The following FAM184B variants were observed in gnomAD, a reference collection of about 807,000 sequenced individuals.
FAM184B encodes the protein protein FAM184B.
A neutral mutation model predicts 135.9 loss-of-function variants in FAM184B; 111 were observed. That is an observed-to-expected ratio of 0.82 (90% CI 0.70 to 0.96). FAM184B has a LOEUF of 0.96. Ranked by LOEUF, FAM184B falls within the 40% of genes least tolerant of loss-of-function variation. The probability of loss-of-function intolerance (pLI) is 0.00; values close to 1 mark genes in which losing one functional copy is unlikely to be tolerated. For missense variants in FAM184B, 1,375 were observed against 1,323.9 expected (o/e 1.04, Z -0.60); for synonymous variants, 552 against 524.8 (o/e 1.05, Z -0.71).
intron 7 of FAM184B, among the ~76,000 whole-genome samples, 177 bp from the exon 8 acceptor site, chr4:17,664,836 A>G (rs561483240): frequency 6.6e-6 from 1 of 152,310 alleles, no homozygotes; most frequent in African/African-American, 2.4e-5. Context: ...TGACGTGACT[A>G]GAACAGTGCC....
chr4:17,756,391 G>A (rs1332119455), intron 1 of FAM184B, among the ~76,000 whole-genome samples: 2 of 152,138 alleles, frequency 1.3e-5, no homozygotes, highest in African/African-American at 4.8e-5. Context: ...TGAAACATAT[G>A]AAATATTATG....
intron 1 of FAM184B, among the ~76,000 whole-genome samples, chr4:17,769,450 T>C (rs1231388338): frequency 6.6e-6 from 1 of 152,180 alleles, no homozygotes; most frequent in Non-Finnish European, 1.5e-5. Flanking sequence ...ATTGTTTTTA[T>C]TTTACAACTC....
At chr4:17,719,366 G>A (rs1717468283) in intron 1 of FAM184B, among the ~76,000 whole-genome samples, 1 of 152,168 alleles carries the variant, frequency 6.6e-6, no homozygotes, top group South Asian at 2.1e-4. Context: ...ATTTCATCAT[G>A]CTACTCACAA....
At chr4:17,726,820 ACTC>A (rs1327982360) in intron 1 of FAM184B, among the ~76,000 whole-genome samples, 2 of 152,320 alleles carry the variant, frequency 1.3e-5, no homozygotes, top group South Asian at 2.1e-4. Flanking sequence ...AGGAAAGAGA[ACTC>A]CTCTTTGTCA....
At chr4:17,729,423 G>T (rs1289847056) in intron 1 of FAM184B, among the ~76,000 whole-genome samples, 5 of 152,236 alleles carry the variant, frequency 3.3e-5, no homozygotes, top group African/African-American at 1.2e-4. Context: ...CATGCAGCTG[G>T]AGATCTGAGA....
chr4:17,773,975 T>C (rs147287766), intron 1 of FAM184B, among the ~76,000 whole-genome samples: 1 of 152,326 alleles, frequency 6.6e-6, no homozygotes, highest in African/African-American at 2.4e-5. Flanking sequence ...CACTTGTGTT[T>C]GGGGTAAGAC....
chr4:17,632,853 A>G (rs1226544292), intron 17 of FAM184B: 1 of 401,180 alleles, frequency 2.5e-6, no homozygotes. Flanking sequence ...TTGGTTCTCC[A>G]TTGTTCCTTT....
chr4:17,778,869 G>A (rs1718980592), intron 1 of FAM184B, among the ~76,000 whole-genome samples: 1 of 151,728 alleles, frequency 6.6e-6, no homozygotes, highest in Non-Finnish European at 1.5e-5. Flanking sequence ...TTAAACAAAC[G>A]AACAAAAAAG....
chr4:17,736,729 C>T (rs1717917354), intron 1 of FAM184B, among the ~76,000 whole-genome samples: 1 of 152,180 alleles, frequency 6.6e-6, no homozygotes, highest in Admixed American at 6.5e-5. Flanking sequence ...CCCCTCATCT[C>T]ACCTCCCTCT....
intron 1 of FAM184B, among the ~76,000 whole-genome samples, chr4:17,722,291 C>T (rs1382923531): frequency 2.6e-5 from 4 of 152,202 alleles, no homozygotes; most frequent in Non-Finnish European, 4.4e-5. Flanking sequence ...GAAAAGAGGA[C>T]TAACTAAACC....
At chr4:17,727,731 G>A (rs113050077) in intron 1 of FAM184B, among the ~76,000 whole-genome samples, 202 of 152,174 alleles carry the variant, frequency 1.3e-3, no homozygotes, top group South Asian at 4.6e-3. Flanking sequence ...CCCCAAGATC[G>A]AACCACTTCC....
intron 2 of FAM184B, 59 bp downstream of exon 2, chr4:17,708,833 A>G (rs1717179874): frequency 1.4e-6 from 2 of 1,451,170 alleles, no homozygotes; most frequent in African/African-American, 1.4e-5. Context: ...TAGCAGGTTC[A>G]CAATAAGCAG....
intron 1 of FAM184B, among the ~76,000 whole-genome samples, chr4:17,755,221 C>A (rs958585387): frequency 3.9e-5 from 6 of 152,028 alleles, no homozygotes; most frequent in African/African-American, 1.2e-4. Flanking sequence ...TGTAATTTAT[C>A]TTTAAAAAAC....
In FAM184B at chr4:17,629,887, G is replaced by T. The variant is rs1407710752; in HGVS notation, c.*2645C>A. 6.6e-6 allele frequency: 1 copy of T among 152,148 alleles called. No individual in the cohort carries two copies. Among genetic ancestry groups the T allele is most frequent in the Non-Finnish European group, 1.5e-5 (1 of 68,012 alleles). The allele number at this position is 152,148 out of a possible 1,614,324, so 9.4% of individuals were successfully genotyped here. A position where few individuals can be genotyped will look rare whatever the true frequency, so the allele number is the denominator to read the frequency against. On this transcript the variant is annotated 3_prime_UTR_variant, in exon 18 of 18. Transcript: ENST00000265018. ...TAGAAACTTTCTGAATGGCAGTTTG[G>T]TAATAACAAACAAAAAGCTTAAGTT...
chr4:17,691,870 T>A (rs1372688880), intron 6 of FAM184B, among the ~76,000 whole-genome samples: 1 of 151,476 alleles, frequency 6.6e-6, no homozygotes, highest in Non-Finnish European at 1.5e-5. Flanking sequence ...CTGGCCAACA[T>A]GGTGAAACCC....
At position 17,739,555 on chromosome 4, in the gene FAM184B, G is replaced by GTTTTGTTTTTTTTTT. The variant is rs1553841420; in HGVS notation, c.142-29912_142-29911insAAAAAAAAAACAAAA. On this transcript the variant is annotated intron_variant, in intron 1 of 17. Coordinates refer to ENST00000265018, the MANE Select transcript of FAM184B (RefSeq NM_015688.2). Reference sequence around the variant, plus strand: ...CCCTACACCATATGTCATACCAACTGTTTTTTTTTTTTTTTTGAGATGGGG... The same window carrying GTTTTGTTTTTTTTTT: ...CCCTACACCATATGTCATACCAACTGTTTTGTTTTTTTTTTTTTTTTTTTTTTTTTTGAGATGGGG... Among the ~76,000 whole-genome samples the GTTTTGTTTTTTTTTT allele has an allele frequency of 3.5e-4, 22 of 62,512 alleles. 3 individuals are homozygous for GTTTTGTTTTTTTTTT. Among genetic ancestry groups the GTTTTGTTTTTTTTTT allele is most frequent in the African/African-American group, 1.2e-3 (20 of 16,256 alleles). The allele number at this position is 62,512 out of a possible 152,430, so 41.0% of individuals were successfully genotyped here.
chr4:17,769,656 T>G (rs1039866923), intron 1 of FAM184B, among the ~76,000 whole-genome samples: 2 of 152,134 alleles, frequency 1.3e-5, no homozygotes, highest in African/African-American at 2.4e-5. Context: ...CCTTTTGAGT[T>G]CAAGGCCAGA....
intron 1 of FAM184B, among the ~76,000 whole-genome samples, chr4:17,765,692 A>G (rs1167760782): frequency 6.6e-6 from 1 of 152,180 alleles, no homozygotes; most frequent in Non-Finnish European, 1.5e-5. Context: ...AAATTATGTA[A>G]TTTAACACTG....
In FAM184B at chr4:17,686,778, C is replaced by CA. The variant is rs748837242; in HGVS notation, c.1596+1645dup. The stretch of plus-strand genomic sequence containing the variant: ...CTAACATGGTGAAACACTGTTTCTA[C>CA]AAAAAATAGAAAAATTAGCTGGGCC... On this transcript the variant is annotated intron_variant, in intron 7 of 17. Transcript: ENST00000265018. Among the ~76,000 whole-genome samples the CA allele has an allele frequency of 4.6e-5, 7 of 152,188 alleles. No homozygotes were observed. The South Asian group carries it at 1.5e-3, about 32-fold the overall frequency.
Sources: allele counts gnomAD v4.1 joint callset (sites outside exome capture counted in the v4.1 genomes callset), GRCh38; gene constraint gnomAD v4.1.1; transcripts MANE v1.5; gene names NCBI Gene and HGNC (gene_info 2026-07-23, HGNC 2026-07-21).